Variants in SORCS3 observed in about 807,000 individuals in gnomAD.
SORCS3 encodes the protein sortilin related VPS10 domain containing receptor 3, also known as VPS10 domain-containing receptor SorCS3.
Under a neutral mutation model 146.3 loss-of-function variants are expected in SORCS3, and 57 were observed. That is an observed-to-expected ratio of 0.39 (90% confidence interval 0.31 to 0.49). The LOEUF is 0.49. SORCS3 is among the 20% of genes least tolerant of loss of function. The pLI is 0.92. For synonymous variants in SORCS3, 653 were observed against 618.5 expected, an observed-to-expected ratio of 1.06 and a Z score of -0.83; for missense variants, 1,341 against 1,575.5, an observed-to-expected ratio of 0.85 and a Z score of 2.52.
chr10:105,138,252 G>T (rs1003908947), intron 7 of SORCS3, among the ~76,000 whole-genome samples: 15 of 152,132 alleles, frequency 9.9e-5, no homozygotes, highest in Admixed American at 9.8e-4. Flanking sequence ...ACCTGGCAGC[G>T]TGTGGTGCCT....
At chr10:104,973,923 A>G (rs1181931627) in intron 3 of SORCS3, among the ~76,000 whole-genome samples, 1 of 151,848 alleles carries the variant, frequency 6.6e-6, no homozygotes, top group Admixed American at 6.6e-5. Flanking sequence ...TTCAAGGAAC[A>G]TCTTTATTTC....
At chr10:104,850,285 T>C (rs1223311977) in intron 2 of SORCS3, among the ~76,000 whole-genome samples, 4 of 152,212 alleles carry the variant, frequency 2.6e-5, no homozygotes, top group Non-Finnish European at 5.9e-5. Flanking sequence ...CAGGAATTTA[T>C]TATTTCAAAA....
intron 7 of SORCS3, among the ~76,000 whole-genome samples, chr10:105,130,486 G>A (rs948985303): frequency 2.0e-5 from 3 of 152,040 alleles, no homozygotes; most frequent in South Asian, 4.1e-4. Context: ...GAAGTTGCTC[G>A]GCAGGGCTGC....
intron 2 of SORCS3, among the ~76,000 whole-genome samples, chr10:104,879,371 G>A (rs2018608680): frequency 6.6e-6 from 1 of 152,060 alleles, no homozygotes; most frequent in African/African-American, 2.4e-5. Context: ...AACAGGCCAA[G>A]TCCTTCTCAC....
At chr10:105,130,711 G>A (rs1487505148) in intron 7 of SORCS3, among the ~76,000 whole-genome samples, 1 of 152,128 alleles carries the variant, frequency 6.6e-6, no homozygotes, top group East Asian at 1.9e-4. Flanking sequence ...GTGCAAATCT[G>A]TTTCAAAGGA....
At chr10:104,921,148 A>T (rs993069495) in intron 3 of SORCS3, among the ~76,000 whole-genome samples, 15 of 152,204 alleles carry the variant, frequency 9.9e-5, no homozygotes, top group Admixed American at 9.2e-4. Flanking sequence ...CATGAGATAA[A>T]CATCCCTGGG....
intron 4 of SORCS3, among the ~76,000 whole-genome samples, chr10:105,030,092 A>T (rs1454349525): frequency 6.6e-6 from 1 of 152,342 alleles, no homozygotes; most frequent in Middle Eastern, 3.4e-3. Context: ...AAAACAGCCC[A>T]GTTAGTTCAT....
intron 7 of SORCS3, among the ~76,000 whole-genome samples, chr10:105,126,230 A>C (rs1589645792): frequency 6.6e-6 from 1 of 152,124 alleles, no homozygotes; most frequent in East Asian, 1.9e-4. Context: ...AACACACAGC[A>C]AACAAACAAA....
intron 1 of SORCS3, among the ~76,000 whole-genome samples, chr10:104,692,822 T>C (rs1465203625): frequency 6.6e-6 from 1 of 152,210 alleles, no homozygotes; most frequent in Non-Finnish European, 1.5e-5. Context: ...GGGCTGTCAT[T>C]GCAACCCAGT....
intron 6 of SORCS3, among the ~76,000 whole-genome samples, chr10:105,102,780 CTTTTTTTTT>C (rs1183026265): frequency 4.8e-4 from 44 of 92,522 alleles, no homozygotes; most frequent in South Asian, 1.6e-3. Flanking sequence ...ACCTCTCAAC[CTTTTTTTTT>C]TTTTTTTTTT....
At chr10:104,858,624 C>CTTT (rs775216095) in intron 2 of SORCS3, among the ~76,000 whole-genome samples, 1 of 141,508 alleles carries the variant, frequency 7.1e-6, no homozygotes, top group Non-Finnish European at 1.5e-5. Context: ...GAGAAGTGTA[C>CTTT]TTTTTTTTTT....
At chr10:104,848,149 G>T (rs978407637) in intron 2 of SORCS3, among the ~76,000 whole-genome samples, 1 of 151,968 alleles carries the variant, frequency 6.6e-6, no homozygotes, top group African/African-American at 2.4e-5. Flanking sequence ...GTTTTCAATA[G>T]CCCCAAACCA....
At chr10:104,746,205 C>G (rs1443753159) in intron 1 of SORCS3, among the ~76,000 whole-genome samples, 2 of 150,090 alleles carry the variant, frequency 1.3e-5, no homozygotes, top group African/African-American at 2.5e-5. Flanking sequence ...GGTGCGATCT[C>G]GGCTCACTGC....
At chr10:104,711,863 G>C (rs1369920301) in intron 1 of SORCS3, among the ~76,000 whole-genome samples, 2 of 152,090 alleles carry the variant, frequency 1.3e-5, no homozygotes, top group Non-Finnish European at 2.9e-5. Context: ...TCTGTGCCTG[G>C]AGGACATAGG....
At chr10:105,103,450 C>T (rs1305189280) in intron 6 of SORCS3, among the ~76,000 whole-genome samples, 2 of 152,190 alleles carry the variant, frequency 1.3e-5, no homozygotes, top group East Asian at 3.9e-4. Flanking sequence ...TTAGAGATGC[C>T]TTTGGCTACT....
chr10:105,216,994 A>G lies in SORCS3; in HGVS notation c.2606A>G (p.Tyr869Cys). 1 of 1,614,174 alleles carries G rather than the reference A, an allele frequency of 6.2e-7. No individual in the cohort carries two copies. The highest frequency in any genetic ancestry group is 8.5e-7 in the Non-Finnish European group (1 of 1,180,032). Residue 869 changes from tyrosine to cysteine, a missense_variant, in exon 19 of 27, where the codon TAC becomes TGC. Coordinates refer to ENST00000369701, the MANE Select transcript of SORCS3 (RefSeq NM_014978.3). ...TTTGGGGATGGGATTGCTGTGTCCT[A>G]CGCAAACTTCAGCCCCATCGAGGAC... ...LDFGDGIAVS[Y>C]ANFSPIEDGI...
chr10:104,968,506 G>T (rs996174489), intron 3 of SORCS3, among the ~76,000 whole-genome samples: 1 of 152,128 alleles, frequency 6.6e-6, no homozygotes, highest in African/African-American at 2.4e-5. Flanking sequence ...TTAACAATCT[G>T]CGAAACCATA....
In SORCS3 at chr10:105,256,912, A is replaced by G. The variant is rs2056934896; in HGVS notation, c.3431A>G (p.Tyr1144Cys). Reference sequence around the variant, plus strand: ...GTTGGCCTGGCTGTGTTTTTGATCTACAAGTTTAAAAGGTATGTCCTATTA... The same window carrying G: ...GTTGGCCTGGCTGTGTTTTTGATCTGCAAGTTTAAAAGGTATGTCCTATTA... ...VFVGLAVFLI[Y>C]KFKRKIPWIN... The change falls in exon 25 of 27, where the codon TAC (tyrosine) becomes TGC (cysteine). Residue 1144 changes from tyrosine (Y) to cysteine (C), a missense_variant. Coordinates refer to ENST00000369701, the MANE Select transcript of SORCS3 (RefSeq NM_014978.3). 4 of 1,612,974 alleles carry G rather than the reference A, an allele frequency of 2.5e-6. No individual in the cohort carries two copies. Among genetic ancestry groups the G allele is most frequent in the Non-Finnish European group, 3.4e-6 (4 of 1,179,064 alleles).
rs566255717 is a variant in SORCS3 at position 105,118,993 on chromosome 10, T to C, written c.1212+13478T>C. 9.9e-5 allele frequency among the ~76,000 whole-genome samples: 15 copies of C among 152,190 alleles called. No homozygotes were observed. The South Asian group carries it at 2.9e-3, about 29-fold the overall frequency. Reference sequence around the variant, plus strand: ...AGCCAAATGTTAATCATCAAGACAATGGGGAAAATGTCTCCAGGGCACATC... The same window carrying C: ...AGCCAAATGTTAATCATCAAGACAACGGGGAAAATGTCTCCAGGGCACATC... On this transcript the variant is annotated intron_variant, in intron 7 of 26. Coordinates refer to ENST00000369701, the MANE Select transcript of SORCS3 (RefSeq NM_014978.3).
Sources: gnomAD v4.1 joint callset for allele counts (sites outside exome capture counted in the v4.1 genomes callset) on GRCh38, gnomAD v4.1.1 for gene constraint, MANE v1.5 for transcripts, NCBI Gene and HGNC (gene_info 2026-07-23, HGNC 2026-07-21) for gene names.